RAP1GDS1: variants seen among roughly 807,000 people sequenced by gnomAD.
RAP1GDS1 encodes the protein Rap1 GTPase-GDP dissociation stimulator 1.
Under a neutral mutation model 71.1 loss-of-function variants are expected in RAP1GDS1, and 35 were observed. The ratio of observed to expected loss-of-function variants is 0.49; its 90% CI spans 0.38 to 0.65. The LOEUF is 0.65. RAP1GDS1 is among the 30% of genes least tolerant of loss of function. RAP1GDS1 has a pLI of 0.00. For missense variants in RAP1GDS1, 663 were observed against 706.1 expected (o/e 0.94, Z 0.69); for synonymous variants, 229 against 243.1 (o/e 0.94, Z 0.54).
intron 2 of RAP1GDS1, among the ~76,000 whole-genome samples, chr4:98,336,131 C>T (rs1454169835): frequency 6.6e-6 from 1 of 151,910 alleles, no homozygotes; most frequent in Non-Finnish European, 1.5e-5. Flanking sequence ...TTTATTGTGT[C>T]CTCATTCTCT....
At chr4:98,317,158 C>G (rs577326245) in intron 2 of RAP1GDS1, among the ~76,000 whole-genome samples, 10 of 152,076 alleles carry the variant, frequency 6.6e-5, no homozygotes, top group Admixed American at 1.3e-4. Flanking sequence ...ACTTTTTTAC[C>G]CTTATCATTT....
intron 6 of RAP1GDS1, 47 bp downstream of exon 6, chr4:98,392,127 CT>C: frequency 6.6e-7 from 1 of 1,521,744 alleles, no homozygotes; most frequent in Non-Finnish European, 8.9e-7. Context: ...TATTAATGTG[CT>C]TACAATAAAT....
intron 2 of RAP1GDS1, among the ~76,000 whole-genome samples, chr4:98,326,532 C>G (rs1733119296): frequency 6.6e-6 from 1 of 152,158 alleles, no homozygotes; most frequent in African/African-American, 2.4e-5. Flanking sequence ...CAACATGATT[C>G]TATTTGGATT....
At chr4:98,354,922 A>G (rs1737732953) in intron 4 of RAP1GDS1, among the ~76,000 whole-genome samples, 1 of 152,152 alleles carries the variant, frequency 6.6e-6, no homozygotes, top group African/African-American at 2.4e-5. Flanking sequence ...ATGAAAATGT[A>G]TTTATTGTGC....
chr4:98,421,936 A>G (rs1159249042), intron 12 of RAP1GDS1, among the ~76,000 whole-genome samples: 1 of 151,994 alleles, frequency 6.6e-6, no homozygotes, highest in Non-Finnish European at 1.5e-5. Flanking sequence ...GGTGGCTGAC[A>G]CCTGTAATCC....
intron 3 of RAP1GDS1, among the ~76,000 whole-genome samples, chr4:98,351,091 TCTC>T (rs1227208598): frequency 6.6e-6 from 1 of 152,194 alleles, no homozygotes. Context: ...TGATGTGTCA[TCTC>T]CTATAGATGG....
chr4:98,296,534 A>G lies in RAP1GDS1; in HGVS notation c.112+3019A>G, dbSNP rs1378648913. On this transcript the variant is annotated intron_variant, in intron 2 of 14. Coordinates refer to ENST00000408927, the MANE Select transcript of RAP1GDS1 (RefSeq NM_001100427.2). ...CATTTTGTGTAAATCTATGATCTAA[A>G]TTAATATAAAGTCATTCATTCACTC... Among the ~76,000 whole-genome samples the G allele has an allele frequency of 2.0e-5, 3 of 152,150 alleles. No individual in the cohort carries two copies. In the East Asian group the frequency reaches 5.8e-4, roughly 29 times the overall value.
At chr4:98,355,132 G>A (rs771914528) in intron 4 of RAP1GDS1, among the ~76,000 whole-genome samples, 1 of 152,076 alleles carries the variant, frequency 6.6e-6, no homozygotes, top group African/African-American at 2.4e-5. Flanking sequence ...TACTTGAAAT[G>A]CATTTCTCAT....
At chr4:98,337,239 T>C (rs1578493912) in intron 2 of RAP1GDS1, among the ~76,000 whole-genome samples, 1 of 152,184 alleles carries the variant, frequency 6.6e-6, no homozygotes, top group East Asian at 1.9e-4. Context: ...ATGCAGTTGC[T>C]TTTCTCTCAT....
At chr4:98,402,229 G>T (rs1292403801) in intron 6 of RAP1GDS1, among the ~76,000 whole-genome samples, 1 of 151,972 alleles carries the variant, frequency 6.6e-6, no homozygotes, top group Non-Finnish European at 1.5e-5. Flanking sequence ...ATGCCATCAC[G>T]CCCAGCTAAT....
rs758719561 is a variant in RAP1GDS1, at chr4:98,379,107, A to G, written c.452A>G (p.Asn151Ser). 35 of 1,610,874 alleles carry G rather than the reference A, an allele frequency of 2.2e-5. No homozygotes were observed. Among genetic ancestry groups the G allele is most frequent in the South Asian group, 6.6e-5 (6 of 90,690 alleles). ...RSLCSITDPA[N>S]EKLLTVFCGM... The stretch of plus-strand genomic sequence containing the variant: ...CTGTGCAGTATAACAGATCCCGCCA[A>G]TGAGAAGCTCTTGACTGTCTTTTGT... Residue 151 changes from asparagine (N) to serine (S), a missense_variant, in exon 5 of 15, where the codon AAT becomes AGT. Physicochemically the swap from Asn to Ser is conservative, Grantham distance 46. Coordinates refer to ENST00000408927, the MANE Select transcript of RAP1GDS1 (RefSeq NM_001100427.2).
intron 4 of RAP1GDS1, among the ~76,000 whole-genome samples, chr4:98,372,603 C>G (rs1175912209): frequency 6.6e-6 from 1 of 152,194 alleles, no homozygotes; most frequent in Non-Finnish European, 1.5e-5. Context: ...CTGTACAGTT[C>G]CACTTCCTCC....
At chr4:98,326,354 A>G (rs1156771595) in intron 2 of RAP1GDS1, among the ~76,000 whole-genome samples, 3 of 152,080 alleles carry the variant, frequency 2.0e-5, no homozygotes, top group African/African-American at 4.8e-5. Context: ...ATTAATATCA[A>G]ATTTCTACTT....
intron 7 of RAP1GDS1, among the ~76,000 whole-genome samples, chr4:98,411,874 T>C (rs1047569804): frequency 3.3e-5 from 5 of 152,178 alleles, no homozygotes; most frequent in African/African-American, 1.2e-4. Context: ...ATCATAGTTT[T>C]TAATTCTAGT....
chr4:98,355,555 T>C (rs1737833126), intron 4 of RAP1GDS1, among the ~76,000 whole-genome samples: 3 of 152,170 alleles, frequency 2.0e-5, no homozygotes, highest in Admixed American at 2.0e-4. Flanking sequence ...GAATTCACTA[T>C]TGGAGATAAA....
At chr4:98,381,891 G>A (rs1355406649) in intron 5 of RAP1GDS1, among the ~76,000 whole-genome samples, 2 of 151,426 alleles carry the variant, frequency 1.3e-5, no homozygotes, top group Admixed American at 1.3e-4. Context: ...TTTCCCTGAA[G>A]AGAATATTTT....
intron 14 of RAP1GDS1, among the ~76,000 whole-genome samples, chr4:98,438,582 A>ATATATATATATATATATATATATATATT (rs1751464533): frequency 7.6e-6 from 1 of 132,194 alleles, no homozygotes; most frequent in African/African-American, 3.0e-5. Context: ...ATATATATAT[A>ATATATATATATATATATATATATATATT]TATATATCTT....
chr4:98,410,457 G>A (rs1746882682), intron 7 of RAP1GDS1, among the ~76,000 whole-genome samples: 1 of 152,024 alleles, frequency 6.6e-6, no homozygotes, highest in Admixed American at 6.5e-5. Flanking sequence ...GGTACAATTG[G>A]GAAGTAGTAT....
At chr4:98,402,569 G>A (rs73834475) in intron 6 of RAP1GDS1, among the ~76,000 whole-genome samples, 8,095 of 152,042 alleles carry the variant, frequency 0.053, 540 homozygotes, top group African/African-American at 0.16. Flanking sequence ...GTGGATTTTT[G>A]TCATTTTGGA....
Sources: gnomAD v4.1 joint callset for allele counts (sites outside exome capture counted in the v4.1 genomes callset) on GRCh38, gnomAD v4.1.1 for gene constraint, MANE v1.5 for transcripts, NCBI Gene and HGNC (gene_info 2026-07-23, HGNC 2026-07-21) for gene names.